Variants in EP400 observed in about 807,000 individuals in gnomAD.
EP400 encodes E1A-binding protein p400.
EP400 carries 105 observed loss-of-function variants against 354.1 expected under a neutral mutation model. The observed-to-expected ratio is 0.30, with a 90% CI of 0.25 to 0.35. The LOEUF (loss-of-function observed/expected upper bound fraction) is 0.35, where lower values mean the gene tolerates loss of function less well. Among genes scored for constraint, EP400 ranks in the 10% least tolerant of loss-of-function variants. EP400 has a pLI of 1.00. For missense variants in EP400, 3,280 were observed against 4,121.0 expected (o/e 0.80, Z 5.59); for synonymous variants, 1,646 against 1,716.9 (o/e 0.96, Z 1.02).
intron 45 of EP400, among the ~76,000 whole-genome samples, chr12:132,057,136 A>G (rs1389406791): frequency 6.6e-6 from 1 of 152,262 alleles, no homozygotes; most frequent in Non-Finnish European, 1.5e-5. Flanking sequence ...TACTCTTACC[A>G]TGCAGCTTCG....
At chr12:132,006,425 A>G in intron 14 of EP400, 123 bp downstream of exon 14, 1 of 1,223,282 alleles carries the variant, frequency 8.2e-7, no homozygotes, top group Non-Finnish European at 1.1e-6. Flanking sequence ...AGTTGTCAGA[A>G]AAAGCAATTC....
chr12:132,044,851 T>G lies in EP400; in HGVS notation c.6682T>G (p.Ser2228Ala). Reference protein sequence around the residue: ...PQDDSDIYLDSVMCLMYEATP... With the variant: ...PQDDSDIYLDAVMCLMYEATP... ...GGACGACAGCGACATCTACCTCGAC[T>G]CGGTCATGTGTCTCATGTATGAAGC... The change falls in exon 37 of 53, where the codon TCG (serine) becomes GCG (alanine). Residue 2228 changes from serine to alanine, a missense_variant. Around this residue, in one of 20 missense-constraint regions of EP400, gnomAD observed 231 missense variants for 257.9 expected, o/e 0.90. Coordinates refer to ENST00000389561, the MANE Select transcript of EP400 (RefSeq NM_015409.5). The G allele has an allele frequency of 6.2e-7, 1 of 1,614,132 alleles. No homozygotes were observed. The highest frequency in any genetic ancestry group is 8.5e-7 in the Non-Finnish European group (1 of 1,180,028).
intron 43 of EP400, 80 bp downstream of exon 43, chr12:132,053,677 A>G: frequency 7.2e-7 from 1 of 1,394,016 alleles, no homozygotes; most frequent in Non-Finnish European, 9.4e-7. Context: ...CTTTCTGTTG[A>G]AACGAAGACT....
intron 15 of EP400, among the ~76,000 whole-genome samples, chr12:132,007,522 C>T (rs1013069791): frequency 1.3e-5 from 2 of 152,214 alleles, no homozygotes; most frequent in Admixed American, 6.5e-5. Flanking sequence ...CTTGTTCACT[C>T]CCCTTCCTCT....
intron 23 of EP400, among the ~76,000 whole-genome samples, chr12:132,022,863 C>T (rs1314681236): frequency 6.6e-6 from 1 of 151,970 alleles, no homozygotes. Flanking sequence ...TCGCTTGAAC[C>T]CAGGAGTTTG....
In EP400 at chr12:132,029,993, G is replaced by T; in HGVS notation, c.5589G>T (p.Lys1863Asn). Residue 1863 changes from lysine to asparagine, a missense_variant, in exon 29 of 53, where the codon AAG (lysine) becomes AAT (asparagine). By Grantham distance (94) the Lys-to-Asn change is moderately conservative. This residue lies in a region of EP400 where 459 missense variants were observed against 496.9 expected (regional missense o/e 0.92). Transcript: ENST00000389561. This position sits in a 1 kb window ranked among gnomAD's most constrained non-coding sequence, Gnocchi z 4.7. Reference protein sequence around the residue: ...ELRLVQFDSGKLEALAILLQK... With the variant: ...ELRLVQFDSGNLEALAILLQK... Reference sequence around the variant, plus strand: ...TTGATGTGATTCGTTTCCCAGGGAAGTTGGAAGCTTTAGCTATCTTGCTTC... The same window carrying T: ...TTGATGTGATTCGTTTCCCAGGGAATTTGGAAGCTTTAGCTATCTTGCTTC... The T allele has an allele frequency of 6.2e-7, 1 of 1,614,080 alleles. No homozygotes were observed. Among genetic ancestry groups the T allele is most frequent in the Non-Finnish European group, 8.5e-7 (1 of 1,180,030 alleles).
At chr12:131,963,626 A>G (rs1891975786) in intron 2 of EP400, 1 of 1,598,028 alleles carries the variant, frequency 6.3e-7, no homozygotes, top group African/African-American at 1.3e-5. Context: ...TTTTCATCCC[A>G]GCAGCAACCA....
rs1312848005 is a variant in EP400, at chr12:131,990,618, T to G, written c.2551-18T>G. 1 of 1,574,390 alleles carries G rather than the reference T, an allele frequency of 6.4e-7. No individual in the cohort carries two copies. Among genetic ancestry groups the G allele is most frequent in the Non-Finnish European group, 8.7e-7 (1 of 1,148,176 alleles). On this transcript the variant is annotated intron_variant, in intron 8 of 52. Coordinates refer to ENST00000389561, the MANE Select transcript of EP400 (RefSeq NM_015409.5). This position sits in a 1 kb window ranked among gnomAD's most constrained non-coding sequence, Gnocchi z 4.2. ...CATCCTTAGTAATGTGCTTATTCAT[T>G]TAATCCTTTGCATTTAGGTTGTGGA... is the stretch of plus-strand genomic sequence containing the variant.
Position 132,025,462 on chromosome 12 carries a change from C to T in EP400, c.4856-184C>T, listed in dbSNP as rs772001217. ...CAAGATACCTTGTCTCTTAGTGTGT[C>T]GTCATCCACTGTCGGTGATGGGTTG... On this transcript the variant is annotated intron_variant, in intron 24 of 52. Transcript: ENST00000389561. This position sits in a 1 kb window ranked among gnomAD's most constrained non-coding sequence, Gnocchi z 4.1. 1.3e-5 allele frequency among the ~76,000 whole-genome samples: 2 copies of T among 152,166 alleles called. No homozygotes were observed. The highest frequency in any genetic ancestry group is 2.4e-5 in the African/African-American group (1 of 41,420).
chr12:132,064,823 G>C lies in EP400; in HGVS notation c.8490G>C (p.Thr2830=), dbSNP rs570076237. Residue 2830 remains threonine, a synonymous_variant, in exon 48 of 53, where the codon ACG becomes ACC. Coordinates refer to ENST00000389561, the MANE Select transcript of EP400 (RefSeq NM_015409.5). ...AGAGCCCCCAGCTCACGACGGTCAC[G>C]GCCCCAAGGCCTGGTGCCCTGCTGA... ...QQQSPQLTTV[T]APRPGALLTG... The C allele has an allele frequency of 1.2e-6, 2 of 1,612,382 alleles. No homozygotes were observed. The highest frequency in any genetic ancestry group is 2.2e-5 in the South Asian group (2 of 91,048).
In EP400 at chr12:132,017,562, C is replaced by G; in HGVS notation, c.3951C>G (p.His1317Gln). ...PGTQEALKSG[H>Q]FVNVLSILVR... Reference sequence around the variant, plus strand: ...CTCAGGAGGCCTTGAAGAGCGGGCACTTTGTCAACGTCCTGAGCATCCTTG... The same window carrying G: ...CTCAGGAGGCCTTGAAGAGCGGGCAGTTTGTCAACGTCCTGAGCATCCTTG... The change falls in exon 20 of 53, where the codon CAC becomes CAG. Residue 1317 changes from histidine (H) to glutamine (Q), a missense_variant. By Grantham distance (24) the His-to-Gln change is conservative (BLOSUM62 0). This residue lies in a region of EP400 where 242 missense variants were observed against 357.9 expected (regional missense o/e 0.68). Transcript: ENST00000389561. The surrounding 1 kb of genome is among the most constrained non-coding windows in gnomAD (Gnocchi z 5.0). The G allele has an allele frequency of 6.2e-7, 1 of 1,614,056 alleles. No individual in the cohort carries two copies. The highest frequency in any genetic ancestry group is 8.5e-7 in the Non-Finnish European group (1 of 1,179,986).
At chr12:132,064,587 G>A (rs929039858) in intron 47 of EP400, 81 bp from the exon 48 acceptor site, 16 of 1,538,004 alleles carry the variant, frequency 1.0e-5, no homozygotes, top group Admixed American at 5.5e-5. Context: ...GGCAGTAGAG[G>A]GGTGGCTTAG....
intron 30 of EP400, 149 bp from the exon 31 acceptor site, chr12:132,037,533 G>T: frequency 1.5e-6 from 1 of 652,112 alleles, no homozygotes; most frequent in East Asian, 2.7e-5. Flanking sequence ...GGCTGAGAGC[G>T]GCCTTTGGTG....
At chr12:132,007,409 C>A (rs1440177105) in intron 15 of EP400, among the ~76,000 whole-genome samples, 1 of 152,258 alleles carries the variant, frequency 6.6e-6, no homozygotes, top group Non-Finnish European at 1.5e-5. Flanking sequence ...GGCTCAGTCT[C>A]TGCATGGCAG....
intron 32 of EP400, among the ~76,000 whole-genome samples, chr12:132,041,886 T>C (rs1271569450): frequency 1.3e-5 from 2 of 152,206 alleles, no homozygotes; most frequent in Non-Finnish European, 2.9e-5. Context: ...GAGTACTTTT[T>C]AAAGAAATGC....
At chr12:132,000,361 T>C (rs1175863633) in intron 12 of EP400, among the ~76,000 whole-genome samples, 1 of 152,158 alleles carries the variant, frequency 6.6e-6, no homozygotes, top group Non-Finnish European at 1.5e-5. Context: ...CTGACCTGGA[T>C]TTTGTTGAGG....
At chr12:132,032,270 G>A (rs1198367613) in intron 30 of EP400, 121 bp downstream of exon 30, 13 of 1,138,436 alleles carry the variant, frequency 1.1e-5, no homozygotes, top group Admixed American at 2.7e-5. Context: ...AGATATTGGT[G>A]CAAGAAGCAC....
intron 43 of EP400, among the ~76,000 whole-genome samples, 197 bp downstream of exon 43, chr12:132,053,794 C>T (rs914297673): frequency 1.3e-5 from 2 of 152,200 alleles, no homozygotes; most frequent in African/African-American, 4.8e-5. Flanking sequence ...TGGATTCTGC[C>T]ATTTCTCTCC....
At chr12:131,986,861 A>T in intron 6 of EP400, 54 bp downstream of exon 6, 1 of 1,536,938 alleles carries the variant, frequency 6.5e-7, no homozygotes. Flanking sequence ...AAGCACATTT[A>T]GTTTTAATTG....
Sources: gnomAD v4.1 joint callset for allele counts (sites outside exome capture counted in the v4.1 genomes callset) on GRCh38, gnomAD v4.1.1 for gene constraint, gnomAD v4.1.1 regional missense constraint, Gnocchi (gnomAD v3.1) non-coding constraint, MANE v1.5 for transcripts, NCBI Gene and HGNC (gene_info 2026-07-23, HGNC 2026-07-21) for gene names.